CLTRN: variants seen among roughly 807,000 people sequenced by gnomAD.
The protein encoded by CLTRN is collectrin.
Under a neutral mutation model 14.5 loss-of-function variants are expected in CLTRN, and 12 were observed. That is an observed-to-expected ratio of 0.83 (90% CI 0.53 to 1.34). The LOEUF is 1.34. Among genes scored for constraint, CLTRN ranks in the 40% most tolerant of loss-of-function variants. The pLI is 0.00. For synonymous variants in CLTRN, 58 were observed against 56.5 expected (o/e 1.03, Z -0.12); for missense variants, 154 against 165.1 (o/e 0.93, Z 0.37).
At chrX:15,670,879 AGTGTGTGTGTGTGTGTGTGTGT>A (rs543420208) in intron 1 of CLTRN, among the ~76,000 whole-genome samples, 1,070 of 85,049 alleles carry the variant, frequency 0.013, 12 homozygotes, top group Non-Finnish European at 0.014. Flanking sequence ...AAGGGAGACA[AGTGTGTGTGTGTGTGTGTGTGT>A]GTGTGTGTGT....
chrX:15,664,822 A>T, upstream of CLTRN: 1 of 1,065,651 alleles, frequency 9.4e-7, no homozygotes, highest in Non-Finnish European at 1.3e-6. Context: ...AAAAAAATCC[A>T]CGCTGCACTT....
upstream of CLTRN, among the ~76,000 whole-genome samples, chrX:15,668,505 T>G (rs1413984902): frequency 2.7e-5 from 3 of 112,666 alleles, no homozygotes. Context: ...GATTCAATTC[T>G]TAGATAAAAC....
chrX:15,656,117 C>G (rs969415975), intron 3 of CLTRN, among the ~76,000 whole-genome samples: 1 of 112,124 alleles, frequency 8.9e-6, no homozygotes, highest in Non-Finnish European at 1.9e-5. Context: ...CTTAGGGAAT[C>G]CCTGGTTTCT....
upstream of CLTRN, among the ~76,000 whole-genome samples, chrX:15,666,925 C>T (rs1015488400): frequency 8.9e-5 from 10 of 112,655 alleles, no homozygotes; most frequent in Non-Finnish European, 1.9e-4. Flanking sequence ...AGGAAGAAAG[C>T]TATGCTAAGA....
At chrX:15,656,145 C>T (rs980767009) in intron 3 of CLTRN, among the ~76,000 whole-genome samples, 11 of 111,874 alleles carry the variant, frequency 9.8e-5, no homozygotes, top group Admixed American at 2.8e-4. Flanking sequence ...TGCCTGCCTG[C>T]GGTGATGGTA....
chrX:15,630,713 G>C (rs1299474668), intron 5 of CLTRN, among the ~76,000 whole-genome samples: 1 of 111,937 alleles, frequency 8.9e-6, no homozygotes, highest in Admixed American at 9.5e-5. Context: ...TAGAGACCTA[G>C]GGAAAGATAG....
chrX:15,644,902 T>G lies in CLTRN; in HGVS notation c.317+14A>C, dbSNP rs1929024333. The G allele has an allele frequency of 1.3e-5, 14 of 1,110,535 alleles. No homozygotes were observed. The highest frequency in any genetic ancestry group is 1.8e-5 in the African/African-American group (1 of 55,230). 91.5% of individuals were successfully genotyped at this position (1,110,535 alleles called of 1,213,427 possible). A position where few individuals can be genotyped will look rare whatever the true frequency, so the allele number is the denominator to read the frequency against. On this transcript the variant is annotated intron_variant, in intron 4 of 5. Coordinates refer to ENST00000380342, the MANE Select transcript of CLTRN (RefSeq NM_020665.6). ...GTTGATTGACTAATAGAAGGCATAT[T>G]TAAGGGTGATTACCTTATGGCTGAT... is the stretch of plus-strand genomic sequence containing the variant.
intron 1 of CLTRN, among the ~76,000 whole-genome samples, chrX:15,670,236 C>G (rs998998079): frequency 1.8e-5 from 2 of 108,880 alleles, no homozygotes; most frequent in Non-Finnish European, 3.8e-5. Context: ...ATGATTGTGC[C>G]ACCACACTCC....
rs772993362 is a variant in CLTRN, at chrX:15,628,042, G to T, written c.598C>A (p.Pro200Thr). Residue 200 changes from proline to threonine, a missense_variant, in exon 6 of 6, where the codon CCC becomes ACC. By Grantham distance (38) the Pro-to-Thr change is conservative. Coordinates refer to ENST00000380342, the MANE Select transcript of CLTRN (RefSeq NM_020665.6). ...ITIENGIPSD[P>T]LDMKGGHIND... ...ATATGCCCTCCCTTCATGTCCAGGG[G>T]ATCAGAGGGGATGCCATTTTCAATT... 7 of 1,149,618 alleles carry T rather than the reference G, an allele frequency of 6.1e-6. No individual in the cohort carries two copies. The South Asian group carries it at 1.5e-4, about 25-fold the overall frequency. The allele number at this position is 1,149,618 out of a possible 1,213,427, so 94.7% of individuals were successfully genotyped here. A position where few individuals can be genotyped will look rare whatever the true frequency, so the allele number is the denominator to read the frequency against.
chrX:15,655,387 A>T (rs1056439090), intron 3 of CLTRN, among the ~76,000 whole-genome samples: 1 of 111,284 alleles, frequency 9.0e-6, no homozygotes, highest in Non-Finnish European at 1.9e-5. Flanking sequence ...CCCTCCAGGG[A>T]CCTCTGCACT....
intron 2 of CLTRN, among the ~76,000 whole-genome samples, chrX:15,659,489 T>A (rs965923937): frequency 9.0e-6 from 1 of 111,624 alleles, no homozygotes; most frequent in African/African-American, 3.3e-5. Context: ...GTACAATTTT[T>A]AAAAAATTTT....
At chrX:15,646,903 G>A (rs748615618) in intron 3 of CLTRN, 8 of 279,393 alleles carry the variant, frequency 2.9e-5, no homozygotes, top group South Asian at 2.3e-4. Flanking sequence ...GATGAGAAAC[G>A]GAGTGGCCCA....
intron 1 of CLTRN, among the ~76,000 whole-genome samples, chrX:15,674,454 G>C (rs1472510385): frequency 1.8e-5 from 2 of 111,944 alleles, no homozygotes; most frequent in African/African-American, 6.5e-5. Context: ...GGGCTGGAAG[G>C]AACACGGTTC....
At chrX:15,639,311 T>C (rs941268385) in intron 5 of CLTRN, among the ~76,000 whole-genome samples, 1 of 112,102 alleles carries the variant, frequency 8.9e-6, no homozygotes, top group African/African-American at 3.2e-5. Flanking sequence ...CAAGCCTGGA[T>C]ATGAAACATT....
intron 1 of CLTRN, among the ~76,000 whole-genome samples, chrX:15,671,501 T>C (rs1382973702): frequency 9.1e-6 from 1 of 110,283 alleles, no homozygotes; most frequent in African/African-American, 3.3e-5. Flanking sequence ...AAAAGCCAAG[T>C]TGGGTTCTGA....
upstream of CLTRN, among the ~76,000 whole-genome samples, chrX:15,668,109 A>G (rs895104878): frequency 2.7e-5 from 3 of 112,541 alleles, no homozygotes; most frequent in Middle Eastern, 4.6e-3. Flanking sequence ...AGCAAAAAAA[A>G]GTAGAAAACA....
intron 5 of CLTRN, among the ~76,000 whole-genome samples, chrX:15,634,939 T>A (rs866319697): frequency 1.0e-5 from 1 of 95,829 alleles, no homozygotes; most frequent in Admixed American, 1.3e-4. Context: ...ATAATAATAA[T>A]AAAAAATAAA....
chrX:15,644,817 G>A, intron 4 of CLTRN, 99 bp downstream of exon 4: 1 of 505,689 alleles, frequency 2.0e-6, no homozygotes, highest in East Asian at 3.7e-5. Flanking sequence ...AATAATTCAT[G>A]TATGAAACAG....
At chrX:15,639,513 T>C (rs1272610036) in intron 5 of CLTRN, 49 bp downstream of exon 5, 1 of 1,091,293 alleles carries the variant, frequency 9.2e-7, no homozygotes, top group Non-Finnish European at 1.3e-6. Flanking sequence ...GTCCAAGTCA[T>C]GAGGAAATAA....
Sources: allele counts gnomAD v4.1 joint callset (sites outside exome capture counted in the v4.1 genomes callset), GRCh38; gene constraint gnomAD v4.1.1; transcripts MANE v1.5; gene names NCBI Gene and HGNC (gene_info 2026-07-23, HGNC 2026-07-21).